Variants in RPN2 observed in about 807,000 individuals in gnomAD.
RPN2 encodes the protein dolichyl-diphosphooligosaccharide--protein glycosyltransferase subunit 2.
Under a neutral mutation model 71.4 loss-of-function variants are expected in RPN2, and 29 were observed. That is an observed-to-expected ratio of 0.41 (90% CI 0.30 to 0.55). The LOEUF (loss-of-function observed/expected upper bound fraction) is 0.55, where lower values mean the gene tolerates loss of function less well. RPN2 is among the 20% of genes least tolerant of loss of function. RPN2 has a pLI of 0.35. For synonymous variants in RPN2, 308 were observed against 305.0 expected (o/e 1.01, Z -0.10); for missense variants, 726 against 774.1 (o/e 0.94, Z 0.74).
At chr20:37,213,973 C>T in intron 9 of RPN2, 108 bp downstream of exon 9, 1 of 845,416 alleles carries the variant, frequency 1.2e-6, no homozygotes, top group African/African-American at 1.7e-5. Flanking sequence ...TACAACCAAG[C>T]TAATGTGTTT....
intron 8 of RPN2, among the ~76,000 whole-genome samples, chr20:37,210,428 GATAA>G (rs1007192211): frequency 6.6e-6 from 1 of 151,328 alleles, no homozygotes; most frequent in East Asian, 1.9e-4. Context: ...ATTTTTTTCT[GATAA>G]ATAATAATGT....
chr20:37,210,237 C>T, intron 8 of RPN2, 72 bp downstream of exon 8: 1 of 1,603,358 alleles, frequency 6.2e-7, no homozygotes, highest in South Asian at 1.1e-5. Context: ...GCCAGTGTAA[C>T]AGATTAATAC....
chr20:37,226,978 C>T (rs1162433967), intron 11 of RPN2, among the ~76,000 whole-genome samples: 3 of 152,244 alleles, frequency 2.0e-5, no homozygotes, highest in African/African-American at 7.2e-5. Context: ...AGCTTCAGGG[C>T]AGACCTCAGA....
At chr20:37,218,093 A>G (rs997886251) in intron 9 of RPN2, among the ~76,000 whole-genome samples, 4 of 152,158 alleles carry the variant, frequency 2.6e-5, no homozygotes, top group African/African-American at 9.7e-5. Flanking sequence ...TATAATTCTC[A>G]TACCATAAAG....
At chr20:37,213,553 A>G (rs1376012980) in intron 8 of RPN2, among the ~76,000 whole-genome samples, 2 of 152,068 alleles carry the variant, frequency 1.3e-5, no homozygotes, top group African/African-American at 4.8e-5. Context: ...TCGTGCCACT[A>G]TACTCCAGCC....
rs756405456 is a variant in RPN2 at position 37,225,710 on chromosome 20, A to G, written c.1207A>G (p.Lys403Glu). The G allele has an allele frequency of 3.4e-5, 55 of 1,613,960 alleles. No individual in the cohort carries two copies. Among genetic ancestry groups the G allele is most frequent in the Non-Finnish European group, 4.3e-5 (51 of 1,179,938 alleles). The part of the protein sequence containing the change: ...TTRVTYPAKA[K>E]GTFIADSHQN... The stretch of plus-strand genomic sequence containing the variant: ...CAGGGTGACATACCCAGCCAAAGCC[A>G]AGGGCACATTCATCGCAGACAGCCA... The change falls in exon 11 of 17, where the codon AAG becomes GAG. Residue 403 changes from lysine to glutamate, a missense_variant. Lys to Glu is a moderately conservative substitution (Grantham distance 56). Coordinates refer to ENST00000237530, the MANE Select transcript of RPN2 (RefSeq NM_002951.5).
At chr20:37,225,250 T>A (rs1187075566) in intron 10 of RPN2, among the ~76,000 whole-genome samples, 1 of 152,206 alleles carries the variant, frequency 6.6e-6, no homozygotes, top group East Asian at 1.9e-4. Context: ...CCTTCTTTCT[T>A]TTGTGTCTCC....
Position 37,207,260 on chromosome 20 carries a change from G to A in RPN2, c.691-13G>A, listed in dbSNP as rs758215508. On this transcript the variant is annotated splice_polypyrimidine_tract_variant and intron_variant, in intron 6 of 16. Transcript: ENST00000237530. ...AGAGGAAGAGAAACAGCTGCATTTC[G>A]CATTTCTTTCAGGATCAGGTCATCC... is the stretch of plus-strand genomic sequence containing the variant. 1.9e-5 allele frequency: 31 copies of A among 1,609,264 alleles called. No homozygotes were observed. The highest frequency in any genetic ancestry group is 2.6e-5 in the Non-Finnish European group (30 of 1,175,748).
intron 10 of RPN2, among the ~76,000 whole-genome samples, chr20:37,224,520 G>A (rs1394981629): frequency 6.6e-6 from 1 of 152,160 alleles, no homozygotes; most frequent in East Asian, 1.9e-4. Flanking sequence ...CAAGTCCATG[G>A]AGGCAGTACT....
At chr20:37,189,079 A>G (rs2067079740) in intron 2 of RPN2, among the ~76,000 whole-genome samples, 1 of 152,058 alleles carries the variant, frequency 6.6e-6, no homozygotes. Flanking sequence ...GACTACAGGC[A>G]TTCTCCACCA....
intron 2 of RPN2, among the ~76,000 whole-genome samples, chr20:37,188,454 AT>A (rs2067064606): frequency 1.3e-5 from 2 of 151,680 alleles, no homozygotes; most frequent in South Asian, 4.2e-4. Flanking sequence ...CGCCCGGCCC[AT>A]TGTCGTACTT....
intron 15 of RPN2, among the ~76,000 whole-genome samples, chr20:37,234,912 C>G (rs763847951): frequency 6.6e-6 from 1 of 152,134 alleles, no homozygotes; most frequent in Non-Finnish European, 1.5e-5. Context: ...CTCCTAGGCT[C>G]AAGCAGTCTT....
At chr20:37,240,095 C>G (rs576142411) in intron 16 of RPN2, among the ~76,000 whole-genome samples, 1 of 152,236 alleles carries the variant, frequency 6.6e-6, no homozygotes, top group South Asian at 2.1e-4. Flanking sequence ...CCTGCTATCC[C>G]CAAATCATTG....
At chr20:37,234,930 T>G (rs530769702) in intron 15 of RPN2, among the ~76,000 whole-genome samples, 1 of 152,276 alleles carries the variant, frequency 6.6e-6, no homozygotes, top group Non-Finnish European at 1.5e-5. Context: ...CTTCCCGCCT[T>G]TGGCCTCCCA....
chr20:37,213,381 A>G (rs1315672889), intron 8 of RPN2, among the ~76,000 whole-genome samples: 2 of 152,148 alleles, frequency 1.3e-5, no homozygotes, highest in Non-Finnish European at 2.9e-5. Flanking sequence ...GCACTTTGGG[A>G]GGCTGAGGCA....
chr20:37,220,183 TTGTG>T (rs369050797), intron 9 of RPN2, among the ~76,000 whole-genome samples: 37 of 148,132 alleles, frequency 2.5e-4, no homozygotes, highest in South Asian at 8.7e-4. Context: ...GTGTGTGTGT[TTGTG>T]TGTGTGTGTG....
At chr20:37,215,711 G>A (rs564832908) in intron 9 of RPN2, among the ~76,000 whole-genome samples, 2 of 152,000 alleles carry the variant, frequency 1.3e-5, no homozygotes, top group Admixed American at 6.5e-5. Flanking sequence ...TGCTGTTACA[G>A]TCACCAAATT....
chr20:37,189,887 C>T (rs1444952429), intron 2 of RPN2, among the ~76,000 whole-genome samples: 2 of 152,228 alleles, frequency 1.3e-5, no homozygotes, highest in Non-Finnish European at 2.9e-5. Context: ...ATGCCTGGCA[C>T]AGACACTGTA....
chr20:37,215,877 G>A (rs941283286), intron 9 of RPN2, among the ~76,000 whole-genome samples: 2 of 152,062 alleles, frequency 1.3e-5, no homozygotes, highest in Non-Finnish European at 2.9e-5. Flanking sequence ...TTCCTTTCCA[G>A]TGAATTGTTT....
Sources: gnomAD v4.1 joint callset for allele counts (sites outside exome capture counted in the v4.1 genomes callset) on GRCh38, gnomAD v4.1.1 for gene constraint, MANE v1.5 for transcripts, NCBI Gene and HGNC (gene_info 2026-07-23, HGNC 2026-07-21) for gene names.